The following CEP128 variants were observed in gnomAD, a reference collection of about 807,000 sequenced individuals.
CEP128 encodes centrosomal protein 128kDa.
Under a neutral mutation model 156.7 loss-of-function variants are expected in CEP128, and 132 were observed. The observed-to-expected ratio is 0.84, with a 90% confidence interval of 0.73 to 0.97. CEP128 has a LOEUF of 0.97. Among genes scored for constraint, CEP128 ranks in the 50% least tolerant of loss-of-function variants. The pLI is 0.00. For synonymous variants in CEP128, 469 were observed against 448.9 expected, an observed-to-expected ratio of 1.04 and a Z score of -0.57; for missense variants, 1,252 against 1,281.9, an observed-to-expected ratio of 0.98 and a Z score of 0.36.
chr14:80,559,408 C>A, intron 20 of CEP128, 106 bp from the exon 21 acceptor site: 1 of 897,626 alleles, frequency 1.1e-6, no homozygotes, highest in South Asian at 1.8e-5. Context: ...ATTAATAATT[C>A]ATTTTAAAAA....
At position 80,497,543 on chromosome 14, in the gene CEP128, T is replaced by C. The variant is rs760288979; in HGVS notation, c.3221A>G (p.Asn1074Ser). ...KRTVAPDSAS[N>S]KEDATMNGTS... ...TCCATTCATTGTGGCATCTTCCTTGTTTGAAGCTGAATCTGGAGCAACAGT... is the reference window on the plus strand; with the variant it reads ...TCCATTCATTGTGGCATCTTCCTTGCTTGAAGCTGAATCTGGAGCAACAGT... The change falls in exon 25 of 25, where the codon AAC becomes AGC. Residue 1074 changes from asparagine to serine, a missense_variant. Coordinates refer to ENST00000555265, the MANE Select transcript of CEP128 (RefSeq NM_152446.5). 16 of 1,613,460 alleles carry C rather than the reference T, an allele frequency of 9.9e-6. No individual in the cohort carries two copies. The highest frequency in any genetic ancestry group is 1.4e-5 in the Non-Finnish European group (16 of 1,179,674).
chr14:80,741,918 G>A (rs550424282), intron 19 of CEP128, among the ~76,000 whole-genome samples: 82 of 151,450 alleles, frequency 5.4e-4, no homozygotes, highest in African/African-American at 1.9e-3. Context: ...TTTCTTCCTC[G>A]TATTTTCCTT....
At chr14:80,695,005 T>A (rs967349665) in intron 19 of CEP128, among the ~76,000 whole-genome samples, 1 of 152,068 alleles carries the variant, frequency 6.6e-6, no homozygotes, top group South Asian at 2.1e-4. Flanking sequence ...GAATAGTTTG[T>A]TGCTTAAATT....
intron 20 of CEP128, among the ~76,000 whole-genome samples, chr14:80,567,671 A>G (rs1163963823): frequency 6.6e-6 from 1 of 152,204 alleles, no homozygotes; most frequent in Non-Finnish European, 1.5e-5. Flanking sequence ...CAAGAGACAG[A>G]ATTATCTTTC....
chr14:80,707,469 A>G (rs1210368865), intron 19 of CEP128, among the ~76,000 whole-genome samples: 1 of 152,196 alleles, frequency 6.6e-6, no homozygotes, highest in Non-Finnish European at 1.5e-5. Flanking sequence ...CCTGATCAGA[A>G]CCAACCAATT....
chr14:80,884,615 T>C (rs1566692204), intron 8 of CEP128, among the ~76,000 whole-genome samples: 1 of 152,134 alleles, frequency 6.6e-6, no homozygotes, highest in Non-Finnish European at 1.5e-5. Flanking sequence ...TGAGGGACTG[T>C]GCTATCCGGC....
chr14:80,717,033 T>C (rs528621540), intron 19 of CEP128, among the ~76,000 whole-genome samples: 8 of 152,324 alleles, frequency 5.3e-5, no homozygotes, highest in Non-Finnish European at 7.4e-5. Context: ...TGGAGAACTG[T>C]CTATTCAGAC....
chr14:80,943,045 CAG>C (rs1407357521), upstream of CEP128, among the ~76,000 whole-genome samples: 78 of 152,190 alleles, frequency 5.1e-4, no homozygotes, highest in African/African-American at 1.7e-3. Flanking sequence ...CTCCACCAGA[CAG>C]AGTTTAAGAT....
At chr14:80,645,349 T>A (rs902111606) in intron 19 of CEP128, among the ~76,000 whole-genome samples, 7 of 152,142 alleles carry the variant, frequency 4.6e-5, no homozygotes, top group Admixed American at 4.6e-4. Flanking sequence ...TGTAGAAGAA[T>A]GGCTCCTTTC....
At chr14:80,914,261 C>T (rs1283694338) in intron 4 of CEP128, 61 bp downstream of exon 4, 37 of 1,264,772 alleles carry the variant, frequency 2.9e-5, no homozygotes, top group Non-Finnish European at 3.4e-5. Context: ...CCCCATTCCC[C>T]AAAACACTTC....
chr14:80,770,856 G>A (rs1318503341), intron 16 of CEP128, among the ~76,000 whole-genome samples: 1 of 152,160 alleles, frequency 6.6e-6, no homozygotes, highest in African/African-American at 2.4e-5. Context: ...GAAGTCAACA[G>A]CTCATTTGCT....
chr14:80,686,442 G>C (rs1478083687), intron 19 of CEP128, among the ~76,000 whole-genome samples: 1 of 151,996 alleles, frequency 6.6e-6, no homozygotes, highest in Admixed American at 6.6e-5. Flanking sequence ...AATATGGAAA[G>C]GAAAAACCAT....
chr14:80,852,373 T>C (rs1393490408), intron 9 of CEP128, among the ~76,000 whole-genome samples: 1 of 151,870 alleles, frequency 6.6e-6, no homozygotes, highest in African/African-American at 2.4e-5. Context: ...AAAATTACCA[T>C]AAAAGTATAA....
chr14:80,482,623 CACA>C (rs1887078674), intron 14 of CEP128, among the ~76,000 whole-genome samples: 1 of 152,172 alleles, frequency 6.6e-6, no homozygotes, highest in East Asian at 1.9e-4. Context: ...ACATGAAAAG[CACA>C]TTATCCACTG....
intron 2 of CEP128, among the ~76,000 whole-genome samples, chr14:80,939,084 A>G (rs573438495): frequency 6.6e-6 from 1 of 152,324 alleles, no homozygotes; most frequent in Admixed American, 6.5e-5. Context: ...GAATTATATA[A>G]TGCCTGTAAA....
At chr14:80,506,924 G>C (rs577932265) in intron 23 of CEP128, among the ~76,000 whole-genome samples, 23 of 152,064 alleles carry the variant, frequency 1.5e-4, no homozygotes, top group Non-Finnish European at 7.4e-5. Context: ...GGCCTGCTGG[G>C]AGGTGGTTGG....
intron 9 of CEP128, among the ~76,000 whole-genome samples, chr14:80,862,529 C>G (rs1887561765): frequency 6.6e-6 from 1 of 152,128 alleles, no homozygotes; most frequent in African/African-American, 2.4e-5. Context: ...TTTCCACAGA[C>G]AAAACTAGCG....
At position 80,812,956 on chromosome 14, in the gene CEP128, T is replaced by G; in HGVS notation, c.1209+18187A>C. On this transcript the variant is annotated intron_variant, in intron 13 of 24. Transcript: ENST00000555265. ...TCTCCTTGTGTGTTTGATTTGCATT[T>G]CTCTAATGATTAGTAATGTTGAGCA... Among the ~76,000 whole-genome samples, 2 of 152,210 alleles carry G rather than the reference T, an allele frequency of 1.3e-5. 1 individual carries two copies. The highest frequency in any genetic ancestry group is 6.3e-3 in the Middle Eastern group (2 of 316).
chr14:80,821,050 A>G (rs1365902270), intron 13 of CEP128, among the ~76,000 whole-genome samples: 1 of 152,162 alleles, frequency 6.6e-6, no homozygotes, highest in Admixed American at 6.5e-5. Context: ...GAACTAAAAG[A>G]ATGTTTTCTC....
Sources: gnomAD v4.1 joint callset for allele counts (sites outside exome capture counted in the v4.1 genomes callset) on GRCh38, gnomAD v4.1.1 for gene constraint, MANE v1.5 for transcripts, NCBI Gene and HGNC (gene_info 2026-07-23, HGNC 2026-07-21) for gene names.